ESYT3: variants seen among roughly 807,000 people sequenced by gnomAD.
ESYT3 encodes the protein extended synaptotagmin 3.
In ESYT3, 101 loss-of-function variants were observed where a neutral mutation model predicts 111.5. That is an observed-to-expected ratio of 0.91 (90% CI 0.77 to 1.07). ESYT3 has a LOEUF of 1.07. Among genes scored for constraint, ESYT3 ranks in the 50% least tolerant of loss-of-function variants. The probability of loss-of-function intolerance (pLI) is 0.00; values close to 1 mark genes in which losing one functional copy is unlikely to be tolerated. For missense variants in ESYT3, 1,097 were observed against 1,109.4 expected (o/e 0.99, Z 0.16); for synonymous variants, 416 against 446.8 (o/e 0.93, Z 0.87).
At chr3:138,439,706 T>C (rs2030997989) in intron 1 of ESYT3, among the ~76,000 whole-genome samples, 4 of 152,094 alleles carry the variant, frequency 2.6e-5, no homozygotes. Context: ...TGGGCCCCTG[T>C]GAGGAGGGAA....
At position 138,479,232 on chromosome 3, in the gene ESYT3, A is replaced by C. The variant is rs2033617752; in HGVS notation, c.*2378A>C. 1 of 152,234 alleles carries C rather than the reference A, an allele frequency of 6.6e-6. No individual in the cohort carries two copies. Among genetic ancestry groups the C allele is most frequent in the East Asian group, 1.9e-4 (1 of 5,202 alleles). 9.4% of individuals were successfully genotyped at this position (152,234 alleles called of 1,614,324 possible). ...GAAAGCAAAGAAATCCATAAAATAC[A>C]TTGGCAAACCTAAGCAAGTTTTGAT... On this transcript the variant is annotated 3_prime_UTR_variant, in exon 23 of 23. Coordinates refer to ENST00000389567, the MANE Select transcript of ESYT3 (RefSeq NM_031913.5).
chr3:138,444,505 C>G (rs1427732581), intron 1 of ESYT3, among the ~76,000 whole-genome samples: 1 of 152,224 alleles, frequency 6.6e-6, no homozygotes, highest in Non-Finnish European at 1.5e-5. Context: ...ACCAAACCAT[C>G]TAGAAGTCCA....
intron 8 of ESYT3, chr3:138,462,610 C>A (rs1365989686): frequency 3.4e-6 from 1 of 290,588 alleles, no homozygotes; most frequent in Non-Finnish European, 6.5e-6. Context: ...GGCTTCTATC[C>A]CTTGTTCCCT....
At position 138,443,756 on chromosome 3, in the gene ESYT3, G is replaced by GTGTGTGTGTGTGTGTGTGTGTGTGACT. The variant is rs1553810678; in HGVS notation, c.328-8292_328-8291insTGTGTGTGTGTGTGTGTGTGTGTGACT. Among the ~76,000 whole-genome samples the GTGTGTGTGTGTGTGTGTGTGTGTGACT allele has an allele frequency of 9.3e-4, 141 of 151,486 alleles. 1 individual carries two copies. The highest frequency in any genetic ancestry group is 8.2e-3 in the Admixed American group (125 of 15,254). On this transcript the variant is annotated intron_variant, in intron 1 of 22. Coordinates refer to ENST00000389567, the MANE Select transcript of ESYT3 (RefSeq NM_031913.5). ...TGCATCTGTGTGTGTGTGTGTGTGTGACATGGCTGCTCCATGGGAGAGCTG... is the reference window on the plus strand; with the variant it reads ...TGCATCTGTGTGTGTGTGTGTGTGTGTGTGTGTGTGTGTGTGTGTGTGTGACTACATGGCTGCTCCATGGGAGAGCTG...
chr3:138,464,330 T>A lies in ESYT3; in HGVS notation c.916-15T>A, dbSNP rs777767131. The A allele has an allele frequency of 1.2e-6, 2 of 1,613,632 alleles. No homozygotes were observed. The highest frequency in any genetic ancestry group is 4.5e-5 in the East Asian group (2 of 44,868). On this transcript the variant is annotated splice_polypyrimidine_tract_variant and intron_variant, in intron 8 of 22. Transcript: ENST00000389567. ...CAGGAAGCAGCTGTGAGCCCTGGGC[T>A]TGGACATTTTCCAGGGGGTGATCAG... is the stretch of plus-strand genomic sequence containing the variant.
At chr3:138,480,309 C>G (rs563002883), downstream of ESYT3, 1 of 152,280 alleles carries the variant, frequency 6.6e-6, no homozygotes, top group South Asian at 2.1e-4. Context: ...ATCCAAGAAT[C>G]ATTTAGATTT....
In ESYT3 at chr3:138,465,430, GA is replaced by G; in HGVS notation, c.1169+10del. ...GATGACTTCCTGGGCAGGTGAGGAG[GA>G]GGGCGCACAGCTGGGCCTGGAGGCA... On this transcript the variant is annotated intron_variant, in intron 10 of 22. Coordinates refer to ENST00000389567, the MANE Select transcript of ESYT3 (RefSeq NM_031913.5). 1 of 1,582,854 alleles carries G rather than the reference GA, an allele frequency of 6.3e-7. No individual in the cohort carries two copies. The highest frequency in any genetic ancestry group is 8.6e-7 in the Non-Finnish European group (1 of 1,164,724).
At chr3:138,452,568 G>C (rs1211233250) in intron 2 of ESYT3, among the ~76,000 whole-genome samples, 5 of 152,152 alleles carry the variant, frequency 3.3e-5, no homozygotes, top group Admixed American at 3.3e-4. Flanking sequence ...TTGCTGTTAG[G>C]TCACCCCTGG....
chr3:138,476,184 T>C (rs1303458773), intron 20 of ESYT3, 39 bp from the exon 21 acceptor site: 1 of 1,312,076 alleles, frequency 7.6e-7, no homozygotes, highest in East Asian at 2.3e-5. Context: ...GAAAACTGAA[T>C]GAAATGCATA....
At position 138,476,458 on chromosome 3, in the gene ESYT3, T is replaced by A. The variant is rs769622112; in HGVS notation, c.2590T>A (p.Ser864Thr). 39 of 1,613,884 alleles carry A rather than the reference T, an allele frequency of 2.4e-5. No individual in the cohort carries two copies. Among genetic ancestry groups the A allele is most frequent in the Non-Finnish European group, 3.1e-5 (37 of 1,179,972 alleles). The change falls in exon 22 of 23, where the codon TCA becomes ACA. Residue 864 changes from serine to threonine, a missense_variant. By Grantham distance (58) the Ser-to-Thr change is moderately conservative. Coordinates refer to ENST00000389567, the MANE Select transcript of ESYT3 (RefSeq NM_031913.5). Reference sequence around the variant, plus strand: ...GATTATTTAGGTACTGATTGACTTATCAAAAGAAGATCTGATTAAGGGCTT... The same window carrying A: ...GATTATTTAGGTACTGATTGACTTAACAAAAGAAGATCTGATTAAGGGCTT... ...KELGKVLIDL[S>T]KEDLIKGFSQ... is the part of the protein sequence containing the mutation.
At chr3:138,474,495 C>CT (rs2033394555) in intron 20 of ESYT3, 143 bp downstream of exon 20, 1 of 922,174 alleles carries the variant, frequency 1.1e-6, no homozygotes. Context: ...CATGAAGCTT[C>CT]TGTACGTTAG....
chr3:138,468,956 T>C (rs998683788), intron 14 of ESYT3, 75 bp downstream of exon 14: 30 of 1,456,880 alleles, frequency 2.1e-5, no homozygotes, highest in Non-Finnish European at 2.7e-5. Context: ...CACAACCCCA[T>C]GTCTTCTGGG....
chr3:138,462,379 G>A, intron 8 of ESYT3, 173 bp downstream of exon 8: 2 of 877,866 alleles, frequency 2.3e-6, no homozygotes, highest in Non-Finnish European at 3.4e-6. Context: ...TTGTCCTTGG[G>A]GTGTATCCCA....
At chr3:138,436,291 TG>T (rs1466689197) in intron 1 of ESYT3, among the ~76,000 whole-genome samples, 1 of 152,222 alleles carries the variant, frequency 6.6e-6, no homozygotes, top group African/African-American at 2.4e-5. Flanking sequence ...CGGCCTCTGC[TG>T]GCTTGCAGCT....
Position 138,468,275 on chromosome 3 carries a change from G to A in ESYT3, c.1308+81G>A, listed in dbSNP as rs539698164. ...AGGTGTGTGCAGGTGGAGGAAGGGT[G>A]GGAGATGATGCCCCCTTCTTGCTCA... On this transcript the variant is annotated intron_variant, in intron 12 of 22. Coordinates refer to ENST00000389567, the MANE Select transcript of ESYT3 (RefSeq NM_031913.5). The A allele has an allele frequency of 8.4e-6, 11 of 1,303,996 alleles. No individual in the cohort carries two copies. In the East Asian group the frequency reaches 1.9e-4, roughly 22 times the overall value. 80.8% of individuals were successfully genotyped at this position (1,303,996 alleles called of 1,614,324 possible).
chr3:138,462,417 A>T, intron 8 of ESYT3: 2 of 609,670 alleles, frequency 3.3e-6, no homozygotes, highest in East Asian at 5.5e-5. Context: ...AATTTACTGC[A>T]TTCTAAACTT....
At chr3:138,473,152 A>G in intron 18 of ESYT3, 1 of 1,304,662 alleles carries the variant, frequency 7.7e-7, no homozygotes. Context: ...AAAGCTTAAT[A>G]TGTAGAATTA....
At chr3:138,472,261 C>T in intron 17 of ESYT3, 102 bp from the exon 18 acceptor site, 1 of 1,466,786 alleles carries the variant, frequency 6.8e-7, no homozygotes, top group Non-Finnish European at 9.2e-7. Flanking sequence ...TAGGAAGGGT[C>T]TTTATAATTC....
At chr3:138,473,749 TG>T (rs772453409) in intron 19 of ESYT3, 115 bp downstream of exon 19, 16 of 901,424 alleles carry the variant, frequency 1.8e-5, no homozygotes, top group Non-Finnish European at 2.5e-5. Flanking sequence ...AATAACACTT[TG>T]GGGGAAAAAT....
Sources: gnomAD v4.1 joint callset for allele counts (sites outside exome capture counted in the v4.1 genomes callset) on GRCh38, gnomAD v4.1.1 for gene constraint, MANE v1.5 for transcripts, NCBI Gene and HGNC (gene_info 2026-07-23, HGNC 2026-07-21) for gene names.